Variants in ITGB5 observed in about 807,000 individuals in gnomAD.
ITGB5 encodes the protein integrin subunit beta 5.
Under a neutral mutation model 84.8 loss-of-function variants are expected in ITGB5, and 38 were observed. That is an observed-to-expected ratio of 0.45 (90% CI 0.35 to 0.59). The LOEUF is 0.59. Among genes scored for constraint, ITGB5 ranks in the 20% least tolerant of loss-of-function variants. ITGB5 has a pLI of 0.01. For missense variants in ITGB5, 905 were observed against 1,034.5 expected (o/e 0.87, Z 1.72); for synonymous variants, 393 against 414.4 (o/e 0.95, Z 0.63).
chr3:124,858,156 G>A (rs1431895249), intron 3 of ITGB5, among the ~76,000 whole-genome samples: 2 of 150,412 alleles, frequency 1.3e-5, no homozygotes, highest in South Asian at 2.1e-4. Context: ...AAAAAAGATA[G>A]CTACCTTAAA....
Position 124,821,393 on chromosome 3 carries a change from T to C in ITGB5, c.862A>G (p.Lys288Glu). 6.2e-7 allele frequency: 1 copy of C among 1,614,210 alleles called. No homozygotes were observed. Among genetic ancestry groups the C allele is most frequent in the Non-Finnish European group, 8.5e-7 (1 of 1,180,026 alleles). The change falls in exon 6 of 15, where the codon AAA becomes GAA. Residue 288 changes from lysine to glutamate, a missense_variant. By Grantham distance (56) the Lys-to-Glu change is moderately conservative. This residue lies in a region of ITGB5 where 656 missense variants were observed against 734.7 expected (regional missense o/e 0.89). Transcript: ENST00000296181. ...TGTGGCTGCACCAGGCCTCCCAATT[T>C]TCCATCCAATGCGATGTGGGGCACA... ...DDVPHIALDGKLGGLVQPHDG... is the reference protein window; with the variant it reads ...DDVPHIALDGELGGLVQPHDG...
intron 9 of ITGB5, among the ~76,000 whole-genome samples, chr3:124,807,980 A>AAAAAG (rs2064435637): frequency 7.8e-6 from 1 of 127,818 alleles, no homozygotes; most frequent in Non-Finnish European, 1.6e-5. Context: ...AAAAAAAAAA[A>AAAAAG]GAGGTATGTC....
At chr3:124,892,527 TAAAAA>T (rs34284622), upstream of ITGB5, among the ~76,000 whole-genome samples, 2 of 106,250 alleles carry the variant, frequency 1.9e-5, no homozygotes, top group Non-Finnish European at 1.9e-5. Flanking sequence ...CCATCTCTAT[TAAAAA>T]AAAAAAAAAA....
rs550553761 is a variant in ITGB5, at chr3:124,896,162, C to T, written c.-255+5104G>A. Among the ~76,000 whole-genome samples, 104 of 152,314 alleles carry T rather than the reference C, an allele frequency of 6.8e-4. 1 individual carries two copies. The highest frequency in any genetic ancestry group is 2.5e-3 in the African/African-American group (103 of 41,560). ...CTTACGGGTGGACTCTAAAAATGATCACCTTTCCTCTTTAAAGGCTGTCCC... is the reference window on the plus strand; with the variant it reads ...CTTACGGGTGGACTCTAAAAATGATTACCTTTCCTCTTTAAAGGCTGTCCC... On this transcript the variant is annotated intron_variant, in intron 1 of 4. Coordinates refer to the ITGB5 transcript ENST00000608657.
chr3:124,800,153 C>A (rs2064294871), intron 9 of ITGB5, among the ~76,000 whole-genome samples: 1 of 152,144 alleles, frequency 6.6e-6, no homozygotes, highest in Non-Finnish European at 1.5e-5. Flanking sequence ...TAGCTTGCTT[C>A]AAGTTACAGC....
intron 5 of ITGB5, among the ~76,000 whole-genome samples, chr3:124,835,734 G>A (rs1036666766): frequency 3.3e-5 from 5 of 152,186 alleles, no homozygotes; most frequent in African/African-American, 1.2e-4. Context: ...ACTCATGCTT[G>A]GAAAAGTGAC....
At chr3:124,803,678 G>A (rs908033857) in intron 9 of ITGB5, among the ~76,000 whole-genome samples, 1 of 152,220 alleles carries the variant, frequency 6.6e-6, no homozygotes, top group African/African-American at 2.4e-5. Flanking sequence ...CAGTGCGCGA[G>A]CGCTGGGCTC....
At chr3:124,791,823 C>T (rs2064153938) in intron 10 of ITGB5, 1 of 152,206 alleles carries the variant, frequency 6.6e-6, no homozygotes, top group Admixed American at 6.5e-5. Flanking sequence ...AGCTCAAAAC[C>T]ACCGCACGCA....
chr3:124,892,513 A>T (rs1203871957), upstream of ITGB5, among the ~76,000 whole-genome samples: 1 of 146,250 alleles, frequency 6.8e-6, no homozygotes, highest in African/African-American at 2.5e-5. Flanking sequence ...AACATGGTGA[A>T]ATCCCATCTC....
chr3:124,784,403 G>T (rs1377423324), intron 10 of ITGB5, among the ~76,000 whole-genome samples: 2 of 152,162 alleles, frequency 1.3e-5, no homozygotes, highest in Non-Finnish European at 2.9e-5. Context: ...TACTTGGAAG[G>T]CTGAGGTGGG....
intron 5 of ITGB5, among the ~76,000 whole-genome samples, chr3:124,825,058 G>A (rs1331894573): frequency 2.6e-5 from 4 of 152,082 alleles, no homozygotes; most frequent in Non-Finnish European, 5.9e-5. Flanking sequence ...TTAGCTGGGC[G>A]TGGTGGTGGG....
chr3:124,778,540 C>T (rs181599541), intron 10 of ITGB5, among the ~76,000 whole-genome samples: 1 of 152,280 alleles, frequency 6.6e-6, no homozygotes, highest in Admixed American at 6.5e-5. Context: ...AAAGCAGCTA[C>T]CAGGCTGCAC....
In ITGB5 at chr3:124,865,481, C is replaced by CTTTTTTTTTTTTTT. The variant is rs59446328; in HGVS notation, c.157-6049_157-6036dup. On this transcript the variant is annotated intron_variant, in intron 2 of 14. Transcript: ENST00000296181. ...TTGAAGTGTCCTTTGCGGCTTTTTT[C>CTTTTTTTTTTTTTT]TTTTTTTTTTTTTTTTTTTTTGAGA... Among the ~76,000 whole-genome samples, 10 of 93,292 alleles carry CTTTTTTTTTTTTTT rather than the reference C, an allele frequency of 1.1e-4. 1 individual carries two copies. The highest frequency in any genetic ancestry group is 3.5e-4 in the East Asian group (1 of 2,860). The allele number at this position is 93,292 out of a possible 152,430, so 61.2% of individuals were successfully genotyped here.
intron 3 of ITGB5, among the ~76,000 whole-genome samples, chr3:124,852,745 T>C (rs1348098260): frequency 2.0e-5 from 3 of 152,164 alleles, no homozygotes; most frequent in African/African-American, 7.2e-5. Flanking sequence ...TAGAGTACAG[T>C]GGCACAACCA....
At chr3:124,821,265 G>T (rs1051483073) in intron 6 of ITGB5, 48 bp downstream of exon 6, 4 of 1,571,420 alleles carry the variant, frequency 2.5e-6, no homozygotes, top group East Asian at 2.4e-5. Flanking sequence ...CACGGGCAGG[G>T]TCACAAGAGA....
At chr3:124,850,556 G>C (rs1217404395) in intron 3 of ITGB5, among the ~76,000 whole-genome samples, 8 of 100,798 alleles carry the variant, frequency 7.9e-5, no homozygotes, top group South Asian at 4.0e-4. Flanking sequence ...GGTGGGGGGA[G>C]GGGGGAGGGA....
At chr3:124,779,383 G>A (rs1446841107) in intron 10 of ITGB5, among the ~76,000 whole-genome samples, 1 of 152,150 alleles carries the variant, frequency 6.6e-6, no homozygotes, top group African/African-American at 2.4e-5. Flanking sequence ...CGAGAAACGT[G>A]TGACCTGGGT....
intron 1 of ITGB5, among the ~76,000 whole-genome samples, chr3:124,901,002 G>C (rs1213664839): frequency 1.3e-5 from 2 of 152,166 alleles, no homozygotes; most frequent in African/African-American, 2.4e-5. Context: ...AGAGCAAACA[G>C]CGTAACATTC....
chr3:124,871,421 C>G (rs1280063132), intron 2 of ITGB5, among the ~76,000 whole-genome samples: 1 of 152,156 alleles, frequency 6.6e-6, no homozygotes, highest in South Asian at 2.1e-4. Context: ...GTCTCGAACT[C>G]CTGACCTTGT....
Sources: allele counts gnomAD v4.1 joint callset (sites outside exome capture counted in the v4.1 genomes callset), GRCh38; gene constraint gnomAD v4.1.1; regional missense constraint gnomAD v4.1.1; transcripts MANE v1.5; gene names NCBI Gene and HGNC (gene_info 2026-07-23, HGNC 2026-07-21).